GNAS: variants seen among roughly 807,000 people sequenced by gnomAD.
GNAS encodes protein ALEX.
A neutral mutation model predicts 54.5 loss-of-function variants in GNAS; 8 were observed. The ratio of observed to expected loss-of-function variants is 0.15; its 90% CI spans 0.09 to 0.26. The LOEUF is 0.26. Among genes scored for constraint, GNAS ranks in the 10% least tolerant of loss-of-function variants. The pLI is 1.00. For missense variants in GNAS, 170 were observed against 529.8 expected (o/e 0.32, Z 6.67); for synonymous variants, 204 against 191.4 (o/e 1.07, Z -0.54).
At chr20:58,854,108 C>T (rs1262727765) in intron 1 of GNAS, 2 of 1,612,078 alleles carry the variant, frequency 1.2e-6, no homozygotes, top group Non-Finnish European at 1.7e-6. Flanking sequence ...CAGGCGCCAT[C>T]GGCAGCCCAT....
At chr20:58,887,971 G>GA (rs1308621775), upstream of GNAS, among the ~76,000 whole-genome samples, 1 of 152,206 alleles carries the variant, frequency 6.6e-6, no homozygotes, top group Non-Finnish European at 1.5e-5. Context: ...TCATCCGGTT[G>GA]AATGGCTAAC....
chr20:58,840,013 G>C (rs1335842844), upstream of GNAS: 2 of 1,426,996 alleles, frequency 1.4e-6, no homozygotes, highest in Admixed American at 3.4e-5. The surrounding 1 kb of genome is among the most constrained non-coding windows in gnomAD (Gnocchi z 6.0). Flanking sequence ...ACCTCATAGG[G>C]TGTACCTTTC....
At chr20:58,891,988 G>A in intron 1 of GNAS, 123 bp downstream of exon 1, 1 of 771,292 alleles carries the variant, frequency 1.3e-6, no homozygotes, top group Non-Finnish European at 1.6e-6. Context: ...GCCCGTTCGC[G>A]GGCTCTGTCT....
rs1034735761 is a variant in GNAS at position 58,905,990 on chromosome 20, CTAGG to C, written c.530+514_530+517del. ...CTAGTGTTACTAGATCCTAGTGACT[CTAGG>C]TAGAGTTTGTTTTTGTGTTGTCTTG... On this transcript the variant is annotated intron_variant, in intron 6 of 12. Transcript: ENST00000371085. Among the ~76,000 whole-genome samples the C allele has an allele frequency of 6.6e-5, 10 of 152,188 alleles. 1 individual carries two copies. The highest frequency in any genetic ancestry group is 1.9e-4 in the African/African-American group (8 of 41,508).
In GNAS at chr20:58,841,898, C is replaced by A. The variant is rs2085745164; in HGVS notation, c.43+1012C>A. The A allele has an allele frequency of 8.1e-6, 10 of 1,230,454 alleles. No homozygotes were observed. In the South Asian group the frequency reaches 3.7e-4, roughly 46 times the overall value. The allele number at this position is 1,230,454 out of a possible 1,614,324, so 76.2% of individuals were successfully genotyped here. A position where few individuals can be genotyped will look rare whatever the true frequency, so the allele number is the denominator to read the frequency against. On this transcript the variant is annotated intron_variant, in intron 1 of 12. Coordinates refer to the GNAS transcript ENST00000306090. This position sits in a 1 kb window ranked among gnomAD's most constrained non-coding sequence, Gnocchi z 5.0. Reference sequence around the variant, plus strand: ...AAGGTAAAGCGGAACAAGGGACAGGCTGGAGACGGGGGTCGCGTCTAACAT... The same window carrying A: ...AAGGTAAAGCGGAACAAGGGACAGGATGGAGACGGGGGTCGCGTCTAACAT...
intron 1 of GNAS, chr20:58,892,189 TAC>T: frequency 1.0e-6 from 1 of 974,212 alleles, no homozygotes; most frequent in South Asian, 4.8e-5. Flanking sequence ...CCGCGAGGCC[TAC>T]ACGACGCCAG....
chr20:58,869,322 C>T (rs887577052), intron 1 of GNAS, among the ~76,000 whole-genome samples: 2 of 152,226 alleles, frequency 1.3e-5, no homozygotes, highest in Non-Finnish European at 2.9e-5. Context: ...CCCTATCCAA[C>T]ACAAATTTTT....
At chr20:58,876,801 C>T (rs1226199956) in intron 1 of GNAS, 2 of 152,196 alleles carry the variant, frequency 1.3e-5, no homozygotes, top group Non-Finnish European at 2.9e-5. Context: ...AATTGTGTAC[C>T]ATGACAGTGA....
chr20:58,896,641 GAAAA>G (rs906951855), intron 2 of GNAS, among the ~76,000 whole-genome samples: 4 of 150,772 alleles, frequency 2.7e-5, no homozygotes, highest in Non-Finnish European at 5.9e-5. Context: ...AAAAGAAAAA[GAAAA>G]AACAAAACAA....
At chr20:58,859,044 A>G (rs2086643065) in intron 1 of GNAS, among the ~76,000 whole-genome samples, 1 of 152,198 alleles carries the variant, frequency 6.6e-6, no homozygotes, top group African/African-American at 2.4e-5. Flanking sequence ...AATGTTTAAA[A>G]TTTACCCCCA....
chr20:58,899,166 C>G (rs975550457), intron 3 of GNAS, among the ~76,000 whole-genome samples, 181 bp downstream of exon 3: 3 of 152,094 alleles, frequency 2.0e-5, no homozygotes, highest in Non-Finnish European at 4.4e-5. Context: ...AAGTAAAGTG[C>G]GTAACATAAA....
upstream of GNAS, chr20:58,889,376 C>T: frequency 1.0e-6 from 1 of 983,824 alleles, no homozygotes; most frequent in Non-Finnish European, 1.2e-6. Flanking sequence ...GCGCCGGGGC[C>T]TCCCGCGGAA....
At chr20:58,846,892 A>G (rs1183852770) in intron 1 of GNAS, among the ~76,000 whole-genome samples, 2 of 152,204 alleles carry the variant, frequency 1.3e-5, no homozygotes, top group African/African-American at 2.4e-5. Flanking sequence ...CTTCCACTAA[A>G]GCCAAATTTA....
In GNAS at chr20:58,857,092, C is replaced by T. The variant is rs1366888715; in HGVS notation, c.43+16206C>T. 6.6e-6 allele frequency: 1 copy of T among 152,232 alleles called. No homozygotes were observed. The highest frequency in any genetic ancestry group is 1.9e-4 in the East Asian group (1 of 5,204). 9.4% of individuals were successfully genotyped at this position (152,232 alleles called of 1,614,324 possible). ...TTTACATTTTATTCTCTAAGACTTTCTCTAAGACCTTCCAAGGGATTTCAA... is the reference window on the plus strand; with the variant it reads ...TTTACATTTTATTCTCTAAGACTTTTTCTAAGACCTTCCAAGGGATTTCAA... On this transcript the variant is annotated intron_variant, in intron 1 of 12. Coordinates refer to the GNAS transcript ENST00000306090. This position sits in a 1 kb window ranked among gnomAD's most constrained non-coding sequence, Gnocchi z 4.1.
intron 6 of GNAS, among the ~76,000 whole-genome samples, chr20:58,908,073 C>T (rs865974379): frequency 1.3e-5 from 2 of 152,284 alleles, no homozygotes; most frequent in African/African-American, 4.8e-5. Flanking sequence ...TTAGTATATC[C>T]TCTAAGCCAG....
chr20:58,885,697 C>T (rs531003754), intron 1 of GNAS, among the ~76,000 whole-genome samples: 2 of 152,282 alleles, frequency 1.3e-5, no homozygotes, highest in South Asian at 4.1e-4. Flanking sequence ...AGCCTTCTTA[C>T]AAGGATTAAC....
rs1001161762 is a variant in GNAS at position 58,850,839 on chromosome 20, G to GC, written c.43+9959dup. On this transcript the variant is annotated intron_variant, in intron 1 of 12. Coordinates refer to the GNAS transcript ENST00000306090. ...TTCCAGGCCTAGCCGCCATACACCC[G>GC]CCCCCCACCGGCTTCCAACCACCCC... 1.5e-4 allele frequency: 58 copies of GC among 398,676 alleles called. No homozygotes were observed. The East Asian group carries it at 1.6e-3, about 11-fold the overall frequency. The allele number at this position is 398,676 out of a possible 1,614,324, so 24.7% of individuals were successfully genotyped here.
chr20:58,866,124 A>G (rs1192672800), intron 1 of GNAS, among the ~76,000 whole-genome samples: 1 of 152,212 alleles, frequency 6.6e-6, no homozygotes, highest in Non-Finnish European at 1.5e-5. Flanking sequence ...AAACAACAGC[A>G]GAGCCTTTAA....
upstream of GNAS, among the ~76,000 whole-genome samples, chr20:58,887,115 T>C (rs1228394351): frequency 3.3e-5 from 5 of 152,242 alleles, no homozygotes; most frequent in Non-Finnish European, 5.9e-5. Context: ...AAGGTGGTAA[T>C]GGAGCTCAGA....
Sources: gnomAD v4.1 joint callset for allele counts (sites outside exome capture counted in the v4.1 genomes callset) on GRCh38, gnomAD v4.1.1 for gene constraint, Gnocchi (gnomAD v3.1) non-coding constraint, MANE v1.5 for transcripts, NCBI Gene and HGNC (gene_info 2026-07-23, HGNC 2026-07-21) for gene names.